Variants in TULP4 observed in about 807,000 individuals in gnomAD.
The protein encoded by TULP4 is TUB like protein 4, also known as tubby-related protein 4.
Under a neutral mutation model 129.0 loss-of-function variants are expected in TULP4, and 16 were observed. That is an observed-to-expected ratio of 0.12 (90% CI 0.08 to 0.19). The LOEUF (loss-of-function observed/expected upper bound fraction) is 0.19, where lower values mean the gene tolerates loss of function less well. Among genes scored for constraint, TULP4 ranks in the 10% least tolerant of loss-of-function variants. The pLI is 1.00. For missense variants in TULP4, 1,842 were observed against 2,059.1 expected (o/e 0.89, Z 2.04); for synonymous variants, 998 against 854.0 (o/e 1.17, Z -2.94).
At chr6:158,237,299 A>T (rs1777730781) in intron 1 of TULP4, 2 of 1,460,816 alleles carry the variant, frequency 1.4e-6, no homozygotes, top group African/African-American at 1.4e-5. Flanking sequence ...TGTTACCGAG[A>T]CTAGTTTAAA....
Position 158,404,988 on chromosome 6 carries a change from T to C in TULP4, c.253-8077T>C, listed in dbSNP as rs557742637. On this transcript the variant is annotated intron_variant, in intron 1 of 13. Coordinates refer to ENST00000367097, the MANE Select transcript of TULP4 (RefSeq NM_020245.5). ...TAAATATTGCCTAAGATTTTTAAGT[T>C]AAAAAAAAAGTCTATGGAGAGAGTT... Among the ~76,000 whole-genome samples, 12 of 151,010 alleles carry C rather than the reference T, an allele frequency of 7.9e-5. No individual in the cohort carries two copies. The South Asian group carries it at 2.3e-3, about 29-fold the overall frequency.
At chr6:158,385,840 A>ATTTTTTTTTTTTTTTTTTTTTT (rs1397821107) in intron 1 of TULP4, among the ~76,000 whole-genome samples, 14 of 34,016 alleles carry the variant, frequency 4.1e-4, no homozygotes, top group African/African-American at 6.7e-4. Context: ...AATGTGGAAT[A>ATTTTTTTTTTTTTTTTTTTTTT]TCTTTTTTTT....
rs1299029707 is a variant in TULP4 at position 158,395,677 on chromosome 6, G to C, written c.253-17388G>C. On this transcript the variant is annotated intron_variant, in intron 1 of 13. Transcript: ENST00000367097. ...GAGGTAAAGTGATGGGCGGGGGGGGGGTCATGGCAGAAGCACCTGGGATGG... is the reference window on the plus strand; with the variant it reads ...GAGGTAAAGTGATGGGCGGGGGGGGCGTCATGGCAGAAGCACCTGGGATGG... Among the ~76,000 whole-genome samples the C allele has an allele frequency of 2.3e-5, 3 of 132,672 alleles. No homozygotes were observed. The East Asian group carries it at 7.0e-4, about 31-fold the overall frequency. The allele number at this position is 132,672 out of a possible 152,430, so 87.0% of individuals were successfully genotyped here. A position where few individuals can be genotyped will look rare whatever the true frequency, so the allele number is the denominator to read the frequency against.
intron 1 of TULP4, among the ~76,000 whole-genome samples, chr6:158,237,075 C>T (rs191562934): frequency 2.0e-5 from 3 of 152,080 alleles, no homozygotes; most frequent in Non-Finnish European, 4.4e-5. Flanking sequence ...TCCCAAAGTG[C>T]TGGGATTACA....
intron 1 of TULP4, among the ~76,000 whole-genome samples, chr6:158,367,068 T>C (rs928253537): frequency 6.6e-6 from 1 of 150,424 alleles, no homozygotes; most frequent in Admixed American, 6.6e-5. Context: ...AAAAAAAAAA[T>C]CTGAATAACG....
chr6:158,267,763 C>T (rs1433672710), intron 1 of TULP4, among the ~76,000 whole-genome samples: 3 of 152,158 alleles, frequency 2.0e-5, no homozygotes, highest in Middle Eastern at 3.2e-3. Flanking sequence ...GTCAGCCTCC[C>T]GTTTTCCTCC....
At chr6:158,488,850 G>A (rs1336988540) in intron 8 of TULP4, among the ~76,000 whole-genome samples, 1 of 152,010 alleles carries the variant, frequency 6.6e-6, no homozygotes, top group African/African-American at 2.4e-5. Context: ...CACAGGTGGG[G>A]ATGGGCAGCA....
intron 1 of TULP4, among the ~76,000 whole-genome samples, chr6:158,372,581 GT>G (rs1420415812): frequency 6.6e-6 from 1 of 152,160 alleles, no homozygotes; most frequent in African/African-American, 2.4e-5. Context: ...GCCCCGGAGT[GT>G]TTCAGTAATG....
intron 1 of TULP4, among the ~76,000 whole-genome samples, chr6:158,289,881 T>C (rs827863): frequency 0.13 from 20,256 of 152,124 alleles, 1,715 homozygotes; most frequent in African/African-American, 0.23. Flanking sequence ...ATGCCCAGAC[T>C]AACATAAGCA....
intron 1 of TULP4, among the ~76,000 whole-genome samples, chr6:158,237,087 G>A (rs958269981): frequency 1.3e-5 from 2 of 151,882 alleles, no homozygotes; most frequent in Non-Finnish European, 1.5e-5. Flanking sequence ...GGGATTACAG[G>A]TGTGAGCCAC....
At chr6:158,290,491 T>C (rs1035270573) in intron 1 of TULP4, among the ~76,000 whole-genome samples, 1 of 152,224 alleles carries the variant, frequency 6.6e-6, no homozygotes, top group Non-Finnish European at 1.5e-5. Context: ...ATTGTTTCCT[T>C]TGCTGTGCAG....
At chr6:158,392,949 C>T (rs1265906269) in intron 1 of TULP4, among the ~76,000 whole-genome samples, 17 of 147,972 alleles carry the variant, frequency 1.1e-4, no homozygotes, top group African/African-American at 3.3e-4. Flanking sequence ...TACAGGCACT[C>T]CAGCCTGGGT....
chr6:158,242,137 C>T (rs1777933460), intron 1 of TULP4: 9 of 928,164 alleles, frequency 9.7e-6, no homozygotes, highest in Non-Finnish European at 1.4e-5. Context: ...GGCCATCTGA[C>T]CATAAGTGAT....
At chr6:158,388,333 T>TC (rs1554286541) in intron 1 of TULP4, among the ~76,000 whole-genome samples, 1 of 132,296 alleles carries the variant, frequency 7.6e-6, no homozygotes, top group African/African-American at 2.9e-5. Flanking sequence ...TTTTTTTTTT[T>TC]TTTTTTTTTT....
At position 158,480,270 on chromosome 6, in the gene TULP4, CT is replaced by C. The variant is rs201199174; in HGVS notation, c.1251+296del. Among the ~76,000 whole-genome samples, 499 of 152,382 alleles carry C rather than the reference CT, an allele frequency of 3.3e-3. 9 individuals carry two copies. Among genetic ancestry groups the C allele is most frequent in the East Asian group, 0.023 (117 of 5,190 alleles). ...ACCATTATTCAGCATTTCCTATATACTAAGCATTGCACCAGTTAATTTTTAG... is the reference window on the plus strand; with the variant it reads ...ACCATTATTCAGCATTTCCTATATACAAGCATTGCACCAGTTAATTTTTAG... On this transcript the variant is annotated intron_variant, in intron 7 of 13. Coordinates refer to ENST00000367097, the MANE Select transcript of TULP4 (RefSeq NM_020245.5).
At chr6:158,404,382 G>GATGTTA (rs1777926090) in intron 1 of TULP4, among the ~76,000 whole-genome samples, 1 of 151,960 alleles carries the variant, frequency 6.6e-6, no homozygotes, top group African/African-American at 2.4e-5. Context: ...GTTAGGCCAG[G>GATGTTA]GATCTCTTTG....
chr6:158,391,688 C>T (rs1299103334), intron 1 of TULP4, among the ~76,000 whole-genome samples: 1 of 152,200 alleles, frequency 6.6e-6, no homozygotes, highest in East Asian at 1.9e-4. Flanking sequence ...TACTTTGGTA[C>T]ATGCCACCTG....
chr6:158,346,226 C>G (rs926923076), intron 1 of TULP4, among the ~76,000 whole-genome samples: 9 of 152,146 alleles, frequency 5.9e-5, no homozygotes, highest in Admixed American at 5.9e-4. Flanking sequence ...CCTGAGGTGA[C>G]GTACATCCTC....
At chr6:158,395,732 C>A (rs1473633830) in intron 1 of TULP4, among the ~76,000 whole-genome samples, 2 of 149,518 alleles carry the variant, frequency 1.3e-5, no homozygotes, top group Admixed American at 1.3e-4. Context: ...GTTGTGGAAG[C>A]CAAGAGTGGG....
Sources: gnomAD v4.1 joint callset for allele counts (sites outside exome capture counted in the v4.1 genomes callset) on GRCh38, gnomAD v4.1.1 for gene constraint, MANE v1.5 for transcripts, NCBI Gene and HGNC (gene_info 2026-07-23, HGNC 2026-07-21) for gene names.